The following TENM3 variants were observed in gnomAD, a reference collection of about 807,000 sequenced individuals.
TENM3 encodes teneurin transmembrane protein 3.
TENM3 carries 63 observed loss-of-function variants against 255.1 expected under a neutral mutation model. The observed-to-expected ratio is 0.25, with a 90% CI of 0.20 to 0.30. The LOEUF (loss-of-function observed/expected upper bound fraction) is 0.30. Ranked by LOEUF, TENM3 falls within the 10% of genes least tolerant of loss-of-function variation. The pLI, the probability that TENM3 is intolerant of heterozygous loss-of-function variation, is 1.00. For synonymous variants in TENM3, 1,306 were observed against 1,322.3 expected, an observed-to-expected ratio of 0.99 and a Z score of 0.27; for missense variants, 2,929 against 3,461.1, an observed-to-expected ratio of 0.85 and a Z score of 3.86.
At chr4:182,517,599 G>A (rs1738126372) in intron 3 of TENM3, among the ~76,000 whole-genome samples, 1 of 130,812 alleles carries the variant, frequency 7.6e-6, no homozygotes, top group Non-Finnish European at 1.7e-5. Context: ...TAGCCAGGAT[G>A]GTCTCGATCT....
chr4:182,228,475 G>A (rs746741125), intron 1 of TENM3, among the ~76,000 whole-genome samples: 1 of 147,494 alleles, frequency 6.8e-6, no homozygotes, highest in Admixed American at 6.8e-5. Context: ...TTAAAAATAG[G>A]TATTTTCCCT....
chr4:181,502,655 G>C, the TENM3 span, among the ~76,000 whole-genome samples: 6 of 152,168 alleles, frequency 3.9e-5, no homozygotes, highest in Non-Finnish European at 8.8e-5. Flanking sequence ...TGGTGGTGGA[G>C]ACTGGGTTTC....
At chr4:182,428,476 T>C (rs1425491016) in intron 3 of TENM3, among the ~76,000 whole-genome samples, 1 of 151,734 alleles carries the variant, frequency 6.6e-6, no homozygotes, top group African/African-American at 2.4e-5. Context: ...TTCCCAAAGA[T>C]AGGATCTGAT....
intron 1 of TENM3, among the ~76,000 whole-genome samples, chr4:182,151,353 A>G (rs1015129887): frequency 6.6e-6 from 1 of 152,170 alleles, no homozygotes. Flanking sequence ...GCTATTGAAA[A>G]GTAAACTAAT....
At chr4:182,004,105 A>C in the TENM3 span, among the ~76,000 whole-genome samples, 2 of 152,094 alleles carry the variant, frequency 1.3e-5, no homozygotes, top group East Asian at 3.9e-4. Context: ...TAAAAAAACA[A>C]AACAAAACAA....
At chr4:182,683,646 A>G (rs537522263) in intron 11 of TENM3, among the ~76,000 whole-genome samples, 5 of 152,184 alleles carry the variant, frequency 3.3e-5, no homozygotes, top group Non-Finnish European at 7.3e-5. Flanking sequence ...TTTGGGGAGT[A>G]TGGTTTAGAA....
At chr4:181,803,898 G>T in the TENM3 span, among the ~76,000 whole-genome samples, 1 of 142,320 alleles carries the variant, frequency 7.0e-6, no homozygotes, top group Non-Finnish European at 1.5e-5. Flanking sequence ...TTGTGCCACC[G>T]CATTCTAGCC....
chr4:182,523,856 G>A (rs1738840890), intron 3 of TENM3, among the ~76,000 whole-genome samples: 1 of 152,052 alleles, frequency 6.6e-6, no homozygotes, highest in African/African-American at 2.4e-5. Context: ...TTGAATAATT[G>A]AAGAGAATAG....
intron 1 of TENM3, among the ~76,000 whole-genome samples, chr4:182,186,662 C>T (rs1753169682): frequency 6.7e-6 from 1 of 149,438 alleles, no homozygotes; most frequent in Non-Finnish European, 1.5e-5. Context: ...CTGCATTTGT[C>T]TTAATTAAGT....
the TENM3 span, among the ~76,000 whole-genome samples, chr4:181,623,243 C>T: frequency 6.6e-6 from 1 of 152,172 alleles, no homozygotes; most frequent in African/African-American, 2.4e-5. Flanking sequence ...TGTGCCTCAG[C>T]TGTAAAATGG....
At chr4:182,413,647 C>A (rs1387307310) in intron 3 of TENM3, among the ~76,000 whole-genome samples, 1 of 151,760 alleles carries the variant, frequency 6.6e-6, no homozygotes, top group East Asian at 1.9e-4. Flanking sequence ...TACAAAAGAA[C>A]AACTCCCAAA....
chr4:182,664,261 T>C, intron 6 of TENM3, among the ~76,000 whole-genome samples: 1 of 152,342 alleles, frequency 6.6e-6, no homozygotes. Context: ...TCAAACTTTT[T>C]CATTATTATT....
intron 1 of TENM3, among the ~76,000 whole-genome samples, chr4:182,251,428 A>G (rs764038700): frequency 2.0e-5 from 3 of 152,136 alleles, no homozygotes; most frequent in Non-Finnish European, 4.4e-5. Context: ...TGATCACACC[A>G]CTGAACTCCA....
At chr4:182,287,047 C>A (rs1298713079) in intron 1 of TENM3, among the ~76,000 whole-genome samples, 1 of 152,068 alleles carries the variant, frequency 6.6e-6, no homozygotes, top group Admixed American at 6.5e-5. Flanking sequence ...AGTAACATAG[C>A]GAGACCCCGT....
the TENM3 span, among the ~76,000 whole-genome samples, chr4:182,052,929 C>A: frequency 6.6e-6 from 1 of 151,898 alleles, no homozygotes; most frequent in Admixed American, 6.6e-5. Flanking sequence ...GCGTTTTAGG[C>A]CTTAAAGTCC....
In TENM3 at chr4:182,594,831, T is replaced by C. The variant is rs146995544; in HGVS notation, c.512-6093T>C. The stretch of plus-strand genomic sequence containing the variant: ...GCCTCCTGGGTTCATGCAATTCTCC[T>C]GCCTCAGCCTCCCAAGTAGCTAGGA... On this transcript the variant is annotated intron_variant, in intron 3 of 27. Coordinates refer to ENST00000511685, the MANE Select transcript of TENM3 (RefSeq NM_001080477.4). Among the ~76,000 whole-genome samples, 1,131 of 151,876 alleles carry C rather than the reference T, an allele frequency of 7.4e-3. 18 individuals are homozygous for C. The highest frequency in any genetic ancestry group is 0.026 in the African/African-American group (1,081 of 41,398).
the TENM3 span, among the ~76,000 whole-genome samples, chr4:181,801,651 A>AT: frequency 3.0e-4 from 24 of 80,926 alleles, no homozygotes; most frequent in South Asian, 1.2e-3. Flanking sequence ...AGAATTGTAA[A>AT]ATATATATAT....
intron 12 of TENM3, 112 bp downstream of exon 12, chr4:182,688,463 C>A: frequency 1.2e-6 from 1 of 835,480 alleles, no homozygotes. Flanking sequence ...TTTTACTTGT[C>A]TTTCTTAACA....
chr4:182,062,845 A>G, the TENM3 span, among the ~76,000 whole-genome samples: 1 of 152,198 alleles, frequency 6.6e-6, no homozygotes, highest in Non-Finnish European at 1.5e-5. Context: ...TGTTAAACAG[A>G]CTATATCGAT....
Sources: gnomAD v4.1 joint callset for allele counts (sites outside exome capture counted in the v4.1 genomes callset) on GRCh38, gnomAD v4.1.1 for gene constraint, MANE v1.5 for transcripts, NCBI Gene and HGNC (gene_info 2026-07-23, HGNC 2026-07-21) for gene names.